Variants in CDH13 observed in about 807,000 individuals in gnomAD.
CDH13 encodes cadherin 13, also known as cadherin-13.
In CDH13, 24 loss-of-function variants were observed where a neutral mutation model predicts 63.8. That is an observed-to-expected ratio of 0.38 (90% confidence interval 0.27 to 0.53). The LOEUF is 0.53. Ranked by LOEUF, CDH13 falls within the 20% of genes least tolerant of loss-of-function variation. The pLI is 0.85. For missense variants in CDH13, 1,049 were observed against 903.1 expected (o/e 1.16, Z -2.07); for synonymous variants, 503 against 355.3 (o/e 1.42, Z -4.67).
chr16:83,492,554 T>G (rs988133256), intron 7 of CDH13, among the ~76,000 whole-genome samples: 17 of 152,228 alleles, frequency 1.1e-4, no homozygotes, highest in African/African-American at 4.1e-4. Flanking sequence ...GTAAATAAAT[T>G]GCCTTATTAT....
Position 83,621,475 on chromosome 16 carries a change from CTTTTTTTTTTTTTTTT to C in CDH13, c.1101+18895_1101+18910del, listed in dbSNP as rs72032168. The stretch of plus-strand genomic sequence containing the variant: ...GCCCTCTTGCTCTCACCTCACCTGC[CTTTTTTTTTTTTTTTT>C]TTTTTTTTTTTTTGAGATGGAGTTT... On this transcript the variant is annotated intron_variant, in intron 8 of 13. Transcript: ENST00000567109. 2.2e-3 allele frequency among the ~76,000 whole-genome samples: 62 copies of C among 28,532 alleles called. 1 individual carries two copies. The highest frequency in any genetic ancestry group is 2.2e-3 in the Non-Finnish European group (38 of 17,646). The allele number at this position is 28,532 out of a possible 152,430, so 18.7% of individuals were successfully genotyped here. A position where few individuals can be genotyped will look rare whatever the true frequency, so the allele number is the denominator to read the frequency against.
chr16:82,670,332 A>G (rs1371284631), intron 1 of CDH13, among the ~76,000 whole-genome samples: 2 of 152,232 alleles, frequency 1.3e-5, no homozygotes, highest in Non-Finnish European at 2.9e-5. Flanking sequence ...AGAGGGAACA[A>G]TTTAGAGCGA....
At chr16:83,736,853 C>T (rs1015228414) in intron 10 of CDH13, among the ~76,000 whole-genome samples, 4 of 152,182 alleles carry the variant, frequency 2.6e-5, no homozygotes, top group Admixed American at 6.5e-5. Flanking sequence ...AACAAGACGC[C>T]CGGTATGACC....
chr16:82,837,570 C>T (rs61646172), intron 1 of CDH13, among the ~76,000 whole-genome samples: 18,184 of 152,110 alleles, frequency 0.12, 1,341 homozygotes, highest in African/African-American at 0.2. Context: ...TGAGCGAAGT[C>T]CGGAGGAAAT....
intron 4 of CDH13, among the ~76,000 whole-genome samples, chr16:83,139,225 C>T (rs1253505846): frequency 1.3e-5 from 2 of 152,172 alleles, no homozygotes; most frequent in African/African-American, 4.8e-5. Flanking sequence ...TCATTTTGCA[C>T]CAGTGACAGG....
chr16:83,543,450 A>T (rs551860863), intron 7 of CDH13, among the ~76,000 whole-genome samples: 1 of 152,230 alleles, frequency 6.6e-6, no homozygotes, highest in Non-Finnish European at 1.5e-5. Flanking sequence ...GGCGCTGACT[A>T]TGATGATTTG....
chr16:82,897,924 G>A (rs2041324661), intron 2 of CDH13, among the ~76,000 whole-genome samples: 1 of 152,180 alleles, frequency 6.6e-6, no homozygotes, highest in African/African-American at 2.4e-5. Flanking sequence ...GCCAGTCCAT[G>A]GACTAAGTGT....
chr16:82,686,836 C>T (rs1439662647), intron 1 of CDH13, among the ~76,000 whole-genome samples: 1 of 152,172 alleles, frequency 6.6e-6, no homozygotes, highest in Admixed American at 6.6e-5. Context: ...AACACCCCCA[C>T]CATGTGGAAC....
chr16:83,394,958 G>C (rs2091857712), intron 6 of CDH13, among the ~76,000 whole-genome samples: 2 of 151,982 alleles, frequency 1.3e-5, no homozygotes, highest in African/African-American at 4.8e-5. Context: ...AACCAGCCTG[G>C]CCAACATGGT....
intron 5 of CDH13, among the ~76,000 whole-genome samples, chr16:83,223,857 T>A (rs940119347): frequency 3.9e-5 from 6 of 152,050 alleles, no homozygotes; most frequent in Non-Finnish European, 7.4e-5. Flanking sequence ...ATTCCATGGG[T>A]TTTTGGGGAA....
intron 4 of CDH13, among the ~76,000 whole-genome samples, chr16:83,199,531 G>A (rs1414956913): frequency 6.6e-6 from 1 of 152,180 alleles, no homozygotes; most frequent in African/African-American, 2.4e-5. Context: ...GAAACCACCA[G>A]GTAAAATGCA....
At chr16:83,777,891 G>C (rs1011158291) in intron 11 of CDH13, among the ~76,000 whole-genome samples, 9 of 152,120 alleles carry the variant, frequency 5.9e-5, no homozygotes, top group African/African-American at 2.2e-4. Context: ...ATAAAAGAAA[G>C]CCATAGGTTA....
rs138949584 is a variant in CDH13 at position 83,749,117 on chromosome 16, A to G, written c.1681+867A>G. On this transcript the variant is annotated intron_variant, in intron 11 of 13. Transcript: ENST00000567109. ...CAATGTGTATTGTGTCAATCACACA[A>G]GAAGTTTTGTTCTCCCTATTATTCC... 2.8e-3 allele frequency among the ~76,000 whole-genome samples: 427 copies of G among 152,364 alleles called. 2 individuals are homozygous for G. The highest frequency in any genetic ancestry group is 0.014 in the Middle Eastern group (4 of 294).
chr16:83,126,027 T>C (rs1196332542), intron 4 of CDH13, among the ~76,000 whole-genome samples: 8 of 152,232 alleles, frequency 5.3e-5, no homozygotes, highest in African/African-American at 1.9e-4. Context: ...AAATAGTCAC[T>C]GTTAAATGTG....
intron 5 of CDH13, among the ~76,000 whole-genome samples, chr16:83,290,950 G>A (rs1049497854): frequency 3.3e-5 from 5 of 152,234 alleles, no homozygotes; most frequent in African/African-American, 4.8e-5. Flanking sequence ...TTTGTCACCC[G>A]TGAGGAGCCT....
intron 10 of CDH13, among the ~76,000 whole-genome samples, chr16:83,689,489 C>T (rs905893385): frequency 6.6e-6 from 1 of 152,174 alleles, no homozygotes; most frequent in African/African-American, 2.4e-5. Context: ...ATGGCATTAA[C>T]CCTAACACGG....
intron 4 of CDH13, among the ~76,000 whole-genome samples, chr16:83,163,755 C>T (rs1468171078): frequency 3.3e-5 from 5 of 151,996 alleles, no homozygotes; most frequent in South Asian, 2.1e-4. Context: ...AGCATAAAGC[C>T]GCCACCCACC....
chr16:83,565,945 C>G (rs1274750442), intron 7 of CDH13, among the ~76,000 whole-genome samples: 2 of 152,140 alleles, frequency 1.3e-5, no homozygotes, highest in Non-Finnish European at 2.9e-5. Context: ...TTTCTTCTTT[C>G]AGCACCCACC....
chr16:83,597,363 G>A (rs972539669), intron 7 of CDH13, among the ~76,000 whole-genome samples: 1 of 152,162 alleles, frequency 6.6e-6, no homozygotes, highest in Non-Finnish European at 1.5e-5. Context: ...TAAACACTGA[G>A]ATAAAAGTGA....
Sources: gnomAD v4.1 joint callset for allele counts (sites outside exome capture counted in the v4.1 genomes callset) on GRCh38, gnomAD v4.1.1 for gene constraint, MANE v1.5 for transcripts, NCBI Gene and HGNC (gene_info 2026-07-23, HGNC 2026-07-21) for gene names.